The following CMKLR1 variants were observed in gnomAD, a reference collection of about 807,000 sequenced individuals.
The protein encoded by CMKLR1 is chemerin chemokine-like receptor 1, also known as chemerin-like receptor 1.
CMKLR1 carries 6 observed loss-of-function variants against 8.2 expected under a neutral mutation model. The observed-to-expected ratio is 0.73, with a 90% CI of 0.40 to 1.44. The LOEUF (loss-of-function observed/expected upper bound fraction) is 1.44. Ranked by LOEUF, CMKLR1 falls within the 40% of genes most tolerant of loss-of-function variation. The pLI, the probability that CMKLR1 is intolerant of heterozygous loss-of-function variation, is 0.02. For synonymous variants in CMKLR1, 178 were observed against 181.2 expected (o/e 0.98, Z 0.14); for missense variants, 429 against 478.0 (o/e 0.90, Z 0.96).
rs150365545 is a variant in CMKLR1, at chr12:108,291,597, G to C, written c.*244C>G. On this transcript the variant is annotated 3_prime_UTR_variant, in exon 4 of 4. Transcript: ENST00000550402. ...ATTCTTCCTTTTTTGCTTTGAGTCA[G>C]TCAAGGCTGGCCTCCCAAGAAGCAT... 86 of 495,344 alleles carry C rather than the reference G, an allele frequency of 1.7e-4. No individual in the cohort carries two copies. The highest frequency in any genetic ancestry group is 1.4e-3 in the African/African-American group (72 of 51,628). 30.7% of individuals were successfully genotyped at this position (495,344 alleles called of 1,614,324 possible). A position where few individuals can be genotyped will look rare whatever the true frequency, so the allele number is the denominator to read the frequency against.
chr12:108,292,312 G>A lies in CMKLR1; in HGVS notation c.651C>T (p.His217=). ...GGAAGCGGGTGACAGTCACCACCAT[G>A]TGCCGGCTATACCCCACAGGGTCCA... The part of the protein sequence containing the change: ...SQMDPVGYSR[H]MVVTVTRFLC... Residue 217 remains histidine, a synonymous_variant, in exon 4 of 4, where the codon CAC becomes CAT. Transcript: ENST00000550402. 6.2e-7 allele frequency: 1 copy of A among 1,614,194 alleles called. No individual in the cohort carries two copies. Among genetic ancestry groups the A allele is most frequent in the Non-Finnish European group, 8.5e-7 (1 of 1,180,038 alleles).
At chr12:108,321,583 C>T (rs1891863368) in intron 2 of CMKLR1, among the ~76,000 whole-genome samples, 1 of 152,018 alleles carries the variant, frequency 6.6e-6, no homozygotes, top group Non-Finnish European at 1.5e-5. Context: ...AGAGCACACC[C>T]TAACACAGAA....
At chr12:108,310,609 C>G (rs954548611) in intron 2 of CMKLR1, among the ~76,000 whole-genome samples, 6 of 152,144 alleles carry the variant, frequency 3.9e-5, no homozygotes, top group Non-Finnish European at 5.9e-5. Flanking sequence ...ATGGCAACCA[C>G]CAATGCTCCA....
intron 1 of CMKLR1, among the ~76,000 whole-genome samples, chr12:108,335,205 C>T (rs6539425): frequency 0.29 from 43,698 of 152,056 alleles, 6,771 homozygotes; most frequent in African/African-American, 0.37. Context: ...CAATACACGA[C>T]TGTGGCTGGG....
chr12:108,321,203 G>A (rs1280304428), intron 2 of CMKLR1, among the ~76,000 whole-genome samples: 1 of 152,206 alleles, frequency 6.6e-6, no homozygotes, highest in African/African-American at 2.4e-5. Context: ...TTGGACTGGA[G>A]GAGGCAAGTG....
intron 2 of CMKLR1, among the ~76,000 whole-genome samples, chr12:108,308,283 C>T (rs774451710): frequency 3.3e-5 from 5 of 152,166 alleles, no homozygotes; most frequent in Non-Finnish European, 7.3e-5. Flanking sequence ...ACAGCCACTG[C>T]ATTAATAGGG....
intron 2 of CMKLR1, among the ~76,000 whole-genome samples, chr12:108,304,221 G>A (rs1891349731): frequency 6.6e-6 from 1 of 152,160 alleles, no homozygotes; most frequent in South Asian, 2.1e-4. Context: ...CAGGCACCAA[G>A]AACCACTGCT....
At chr12:108,298,287 C>A (rs1350397968) in intron 2 of CMKLR1, among the ~76,000 whole-genome samples, 1 of 152,178 alleles carries the variant, frequency 6.6e-6, no homozygotes, top group Admixed American at 6.5e-5. Context: ...ACATAAGAGT[C>A]CAAACACTGT....
At chr12:108,308,300 G>A (rs1404488527) in intron 2 of CMKLR1, among the ~76,000 whole-genome samples, 1 of 152,192 alleles carries the variant, frequency 6.6e-6, no homozygotes, top group Non-Finnish European at 1.5e-5. Context: ...AGGGAAAGGG[G>A]ATTTCTTTCA....
chr12:108,307,445 C>T (rs2137312097), intron 2 of CMKLR1, among the ~76,000 whole-genome samples: 1 of 152,296 alleles, frequency 6.6e-6, no homozygotes. Flanking sequence ...TTCTCTGGCA[C>T]CCTGAGATAC....
In CMKLR1 at chr12:108,292,094, G is replaced by A; in HGVS notation, c.869C>T (p.Pro290Leu). The A allele has an allele frequency of 6.2e-7, 1 of 1,614,236 alleles. No individual in the cohort carries two copies. Among genetic ancestry groups the A allele is most frequent in the Non-Finnish European group, 8.5e-7 (1 of 1,180,028 alleles). ...NLLELHHTAM[P>L]GSVFSLGLPL... ...CAAACCCAGGCTGAAGACAGAGCCA[G>A]GCATGGCAGTGTGGTGGAGCTCTAG... Residue 290 changes from proline to leucine, a missense_variant, in exon 4 of 4, where the codon CCT (proline) becomes CTT (leucine). Pro to Leu is a moderately conservative substitution (Grantham distance 98). Transcript: ENST00000550402.
chr12:108,303,836 G>T (rs754144444), intron 2 of CMKLR1, among the ~76,000 whole-genome samples: 1 of 152,212 alleles, frequency 6.6e-6, no homozygotes, highest in Non-Finnish European at 1.5e-5. Flanking sequence ...CTCCAATCTC[G>T]GTTACAGGAG....
At chr12:108,305,324 G>A (rs1236241007) in intron 2 of CMKLR1, among the ~76,000 whole-genome samples, 1 of 152,160 alleles carries the variant, frequency 6.6e-6, no homozygotes, top group Non-Finnish European at 1.5e-5. Flanking sequence ...CAGCCTTTAA[G>A]CATCAGCTCG....
intron 2 of CMKLR1, among the ~76,000 whole-genome samples, chr12:108,311,780 G>A (rs1161955109): frequency 2.0e-5 from 3 of 152,218 alleles, no homozygotes; most frequent in Non-Finnish European, 4.4e-5. Flanking sequence ...AGTGAAGTCA[G>A]CGACCCCTGA....
At chr12:108,305,652 C>T (rs1891388049) in intron 2 of CMKLR1, among the ~76,000 whole-genome samples, 1 of 152,208 alleles carries the variant, frequency 6.6e-6, no homozygotes, top group African/African-American at 2.4e-5. Flanking sequence ...CTGGAAACCA[C>T]ACAGTGTCTG....
Position 108,314,934 on chromosome 12 carries a change from GT to G in CMKLR1, c.-74+15060del, listed in dbSNP as rs3045858. Among the ~76,000 whole-genome samples, 299 of 109,566 alleles carry G rather than the reference GT, an allele frequency of 2.7e-3. 6 individuals are homozygous for G. The South Asian group carries it at 0.054, about 20-fold the overall frequency. 71.9% of individuals were successfully genotyped at this position (109,566 alleles called of 152,430 possible). A position where few individuals can be genotyped will look rare whatever the true frequency, so the allele number is the denominator to read the frequency against. ...ATGGCCCAGGCTCGAACACAGCCTTGTTTTTTTTTTTTTTTTTTTTGAGACG... is the reference window on the plus strand; with the variant it reads ...ATGGCCCAGGCTCGAACACAGCCTTGTTTTTTTTTTTTTTTTTTTGAGACG... On this transcript the variant is annotated intron_variant, in intron 2 of 3. Coordinates refer to ENST00000550402, the MANE Select transcript of CMKLR1 (RefSeq NM_001142343.2).
At chr12:108,314,998 C>T (rs964592596) in intron 2 of CMKLR1, among the ~76,000 whole-genome samples, 11 of 140,644 alleles carry the variant, frequency 7.8e-5, no homozygotes, top group Non-Finnish European at 1.3e-4. Flanking sequence ...AGTGCAATGG[C>T]GCAATCTCAG....
chr12:108,296,341 G>C (rs141334158), intron 2 of CMKLR1, among the ~76,000 whole-genome samples: 2 of 152,214 alleles, frequency 1.3e-5, no homozygotes, highest in Non-Finnish European at 2.9e-5. Flanking sequence ...TTAAGTGCTT[G>C]GAACAGGTCC....
chr12:108,306,088 C>T (rs1191453920), intron 2 of CMKLR1, among the ~76,000 whole-genome samples: 1 of 152,232 alleles, frequency 6.6e-6, no homozygotes, highest in Non-Finnish European at 1.5e-5. Context: ...CCTGTCTGTT[C>T]TGTGCCCTAC....
Sources: gnomAD v4.1 joint callset for allele counts (sites outside exome capture counted in the v4.1 genomes callset) on GRCh38, gnomAD v4.1.1 for gene constraint, MANE v1.5 for transcripts, NCBI Gene and HGNC (gene_info 2026-07-23, HGNC 2026-07-21) for gene names.